MCM9: variants seen among roughly 807,000 people sequenced by gnomAD.
MCM9 encodes DNA helicase MCM9.
A neutral mutation model predicts 72.8 loss-of-function variants in MCM9; 55 were observed. The observed-to-expected ratio is 0.76, with a 90% CI of 0.61 to 0.95. The LOEUF (loss-of-function observed/expected upper bound fraction) is 0.95, where lower values mean the gene tolerates loss of function less well. MCM9 is among the 40% of genes least tolerant of loss of function. The pLI, the probability that MCM9 is intolerant of heterozygous loss-of-function variation, is 0.00. For missense variants in MCM9, 1,279 were observed against 1,377.0 expected, an observed-to-expected ratio of 0.93 and a Z score of 1.13; for synonymous variants, 480 against 503.4, an observed-to-expected ratio of 0.95 and a Z score of 0.62.
chr6:118,849,873 T>C (rs1297209650), intron 9 of MCM9, among the ~76,000 whole-genome samples: 5 of 151,810 alleles, frequency 3.3e-5, no homozygotes, highest in Non-Finnish European at 7.4e-5. Context: ...GGGTTTTGCT[T>C]ATTTTTCCAA....
chr6:118,822,466 T>C (rs575260629), intron 13 of MCM9, among the ~76,000 whole-genome samples: 5 of 152,280 alleles, frequency 3.3e-5, no homozygotes, highest in South Asian at 2.1e-4. Flanking sequence ...ACAGCAAAGA[T>C]TGCTGCCTGC....
intron 1 of MCM9, among the ~76,000 whole-genome samples, 195 bp from the exon 2 acceptor site, chr6:118,932,935 C>T (rs567544024): frequency 3.3e-5 from 5 of 152,170 alleles, no homozygotes; most frequent in African/African-American, 7.2e-5. Context: ...TGTATACAGA[C>T]GGATAACAAA....
intron 2 of MCM9, among the ~76,000 whole-genome samples, chr6:118,932,345 C>G (rs1055839042): frequency 6.6e-6 from 1 of 152,146 alleles, no homozygotes; most frequent in Non-Finnish European, 1.5e-5. Flanking sequence ...CAGACTGTAT[C>G]CCCATCATTA....
chr6:118,922,012 G>C lies in MCM9; in HGVS notation c.696C>G (p.Cys232Trp), dbSNP rs200572387. Residue 232 changes from cysteine (C) to tryptophan (W), a missense_variant, in exon 5 of 14, where the codon TGC (cysteine) becomes TGG (tryptophan). By Grantham distance (215) the Cys-to-Trp change is radical. Coordinates refer to ENST00000619706, the MANE Select transcript of MCM9 (RefSeq NM_017696.3). ...VILEDDLVDSCKSGDDLTIYG... is the reference protein window; with the variant it reads ...VILEDDLVDSWKSGDDLTIYG... ...AAATTCCCCTCTTCTTACCAGATTT[G>C]CAACTATCCACTAAGTCATCTTCCA... 4.3e-6 allele frequency: 7 copies of C among 1,611,618 alleles called. No individual in the cohort carries two copies. The African/African-American group carries it at 9.3e-5, about 22-fold the overall frequency.
intron 9 of MCM9, among the ~76,000 whole-genome samples, chr6:118,852,026 T>C (rs1776257895): frequency 6.6e-6 from 1 of 152,208 alleles, no homozygotes; most frequent in African/African-American, 2.4e-5. Flanking sequence ...AGAGTGTACT[T>C]AGACAAACCT....
At chr6:118,842,697 T>C (rs1163365673) in intron 9 of MCM9, among the ~76,000 whole-genome samples, 1 of 152,114 alleles carries the variant, frequency 6.6e-6, no homozygotes, top group African/African-American at 2.4e-5. Flanking sequence ...TTTTAAAATT[T>C]TTTGAAGAAA....
intron 3 of MCM9, among the ~76,000 whole-genome samples, chr6:118,931,146 T>C (rs1562442721): frequency 6.6e-6 from 1 of 152,188 alleles, no homozygotes; most frequent in Non-Finnish European, 1.5e-5. Context: ...AAAGCTGTTT[T>C]GAATTACATT....
intron 4 of MCM9, among the ~76,000 whole-genome samples, 153 bp downstream of exon 4, chr6:118,923,658 C>G (rs1297732975): frequency 1.3e-5 from 2 of 152,176 alleles, no homozygotes; most frequent in African/African-American, 2.4e-5. Context: ...AGACTATATT[C>G]AGATATATGT....
intron 8 of MCM9, among the ~76,000 whole-genome samples, chr6:118,890,041 G>C (rs1778846756): frequency 6.6e-6 from 1 of 152,266 alleles, no homozygotes; most frequent in South Asian, 2.1e-4. Flanking sequence ...CACCTTCCAA[G>C]GGATGCCTTT....
intron 10 of MCM9, among the ~76,000 whole-genome samples, chr6:118,828,480 G>T (rs1774317027): frequency 6.6e-6 from 1 of 151,856 alleles, no homozygotes; most frequent in Admixed American, 6.6e-5. Context: ...CTACCTCCTG[G>T]GATCAAGCAA....
chr6:118,835,211 T>G (rs762267325), intron 9 of MCM9, among the ~76,000 whole-genome samples: 23 of 152,194 alleles, frequency 1.5e-4, no homozygotes, highest in Non-Finnish European at 2.6e-4. Context: ...GGTCTATATA[T>G]CTGTTTTTGG....
At chr6:118,868,964 C>T (rs1053725562) in intron 8 of MCM9, among the ~76,000 whole-genome samples, 20 of 152,244 alleles carry the variant, frequency 1.3e-4, no homozygotes, top group East Asian at 1.9e-4. Flanking sequence ...GATACACACA[C>T]GTATGTTTAT....
intron 8 of MCM9, among the ~76,000 whole-genome samples, chr6:118,899,347 C>T (rs561437611): frequency 2.3e-4 from 35 of 152,170 alleles, no homozygotes; most frequent in Non-Finnish European, 4.4e-4. Flanking sequence ...TTCCCCTCAT[C>T]CTCAATCATA....
chr6:118,899,723 T>C (rs1413726194), intron 8 of MCM9, among the ~76,000 whole-genome samples: 3 of 152,202 alleles, frequency 2.0e-5, no homozygotes, highest in African/African-American at 7.2e-5. Flanking sequence ...ATTTCTATTA[T>C]CAATTTAGGG....
At chr6:118,929,164 G>C (rs149758359) in intron 3 of MCM9, among the ~76,000 whole-genome samples, 1,591 of 152,292 alleles carry the variant, frequency 0.01, 30 homozygotes, top group African/African-American at 0.036. Context: ...AGGTTGCAGT[G>C]AGACAAGATT....
chr6:118,816,226 A>T lies in MCM9; in HGVS notation c.2030T>A (p.Leu677Ter). The change falls in exon 14 of 14, where the codon TTG becomes TAG. Residue 677 changes from leucine (L) to a stop codon, truncating the protein, a stop_gained. Coordinates refer to ENST00000619706, the MANE Select transcript of MCM9 (RefSeq NM_017696.3). LOFTEE classifies it low-confidence loss of function (END_TRUNC). Reference sequence around the variant, plus strand: ...TGATTCTTCCCCTGGACCATTTCTCAAGGATCCTGGAGTAGTCTCTACCTC... The same window carrying T: ...TGATTCTTCCCCTGGACCATTTCTCTAGGATCCTGGAGTAGTCTCTACCTC... ...VLEVETTPGS[L>*]RNGPGEESNF... 1 of 1,550,054 alleles carries T rather than the reference A, an allele frequency of 6.5e-7. No homozygotes were observed. Among genetic ancestry groups the T allele is most frequent in the South Asian group, 1.2e-5 (1 of 84,050 alleles).
intron 9 of MCM9, among the ~76,000 whole-genome samples, chr6:118,837,312 T>G (rs1413573844): frequency 6.6e-6 from 1 of 152,208 alleles, no homozygotes; most frequent in African/African-American, 2.4e-5. Context: ...TTAGAATAAG[T>G]GCTATGTGGT....
intron 13 of MCM9, among the ~76,000 whole-genome samples, chr6:118,821,910 T>A (rs898983812): frequency 6.6e-6 from 1 of 152,228 alleles, no homozygotes; most frequent in East Asian, 1.9e-4. Context: ...CACGCTTGAT[T>A]GATTTGAGTA....
At chr6:118,865,894 T>G (rs1244242533) in intron 8 of MCM9, among the ~76,000 whole-genome samples, 1 of 152,040 alleles carries the variant, frequency 6.6e-6, no homozygotes, top group East Asian at 1.9e-4. Context: ...CCAGCAGCTA[T>G]CTCCCCAGGA....
Sources: gnomAD v4.1 joint callset for allele counts (sites outside exome capture counted in the v4.1 genomes callset) on GRCh38, gnomAD v4.1.1 for gene constraint, MANE v1.5 for transcripts, NCBI Gene and HGNC (gene_info 2026-07-23, HGNC 2026-07-21) for gene names.